EML6: variants seen among roughly 807,000 people sequenced by gnomAD.
EML6 encodes the protein echinoderm microtubule-associated protein-like 6.
In EML6, 154 loss-of-function variants were observed where a neutral mutation model predicts 240.1. The observed-to-expected ratio is 0.64, with a 90% CI of 0.56 to 0.73. EML6 has a LOEUF of 0.73. EML6 is among the 30% of genes least tolerant of loss of function. The probability of loss-of-function intolerance (pLI) is 0.00; values close to 1 mark genes in which losing one functional copy is unlikely to be tolerated. For missense variants in EML6, 2,964 were observed against 2,474.6 expected, an observed-to-expected ratio of 1.20 and a Z score of -4.20; for synonymous variants, 1,148 against 899.0, an observed-to-expected ratio of 1.28 and a Z score of -4.95.
rs1009612185 is a variant in EML6, at chr2:54,843,948, C to T, written c.848-99C>T. 1.1e-5 allele frequency: 9 copies of T among 840,218 alleles called. No individual in the cohort carries two copies. The Admixed American group carries it at 1.1e-4, about 11-fold the overall frequency. 52.0% of individuals were successfully genotyped at this position (840,218 alleles called of 1,614,324 possible). A position where few individuals can be genotyped will look rare whatever the true frequency, so the allele number is the denominator to read the frequency against. Reference sequence around the variant, plus strand: ...ATTTGATGGTATCCTGGTTAAAGGGCATTTACTTTAGGGTTTTGTGTGTGT... The same window carrying T: ...ATTTGATGGTATCCTGGTTAAAGGGTATTTACTTTAGGGTTTTGTGTGTGT... On this transcript the variant is annotated intron_variant, in intron 7 of 41. Coordinates refer to ENST00000356458, the MANE Select transcript of EML6 (RefSeq NM_001039753.4).
At chr2:54,757,654 C>T (rs1667795878) in intron 2 of EML6, among the ~76,000 whole-genome samples, 1 of 152,114 alleles carries the variant, frequency 6.6e-6, no homozygotes, top group South Asian at 2.1e-4. Flanking sequence ...CTGGTGGACT[C>T]ACTGTTCTTT....
chr2:54,783,934 C>T (rs534761666), intron 2 of EML6, among the ~76,000 whole-genome samples: 2 of 152,120 alleles, frequency 1.3e-5, no homozygotes, highest in African/African-American at 2.4e-5. Context: ...TGTTCATGTT[C>T]CATAATTTAT....
At chr2:54,723,619 CG>C (rs1172853058), upstream of EML6, 2 of 152,284 alleles carry the variant, frequency 1.3e-5, no homozygotes, top group East Asian at 3.9e-4. Flanking sequence ...GCCCCGCCCC[CG>C]GAGCCCCGGC....
rs1162056358 is a variant in EML6, at chr2:54,971,633, G to C, written c.*1538G>C. 1.3e-5 allele frequency: 2 copies of C among 152,120 alleles called. No homozygotes were observed. The highest frequency in any genetic ancestry group is 4.8e-5 in the African/African-American group (2 of 41,404). 9.4% of individuals were successfully genotyped at this position (152,120 alleles called of 1,614,324 possible). ...ATGCCTTACATCAATCCACTAATAG[G>C]TTGTTGGGCCCGCAGTAGAGTCCCT... On this transcript the variant is annotated 3_prime_UTR_variant, in exon 42 of 42. Coordinates refer to ENST00000356458, the MANE Select transcript of EML6 (RefSeq NM_001039753.4).
At chr2:54,808,966 A>G (rs1402613660) in intron 2 of EML6, among the ~76,000 whole-genome samples, 1 of 152,224 alleles carries the variant, frequency 6.6e-6, no homozygotes, top group Non-Finnish European at 1.5e-5. Flanking sequence ...AACTAGGTTT[A>G]TATATTAAAA....
chr2:54,914,074 T>A (rs1673778377), intron 25 of EML6, among the ~76,000 whole-genome samples: 1 of 152,228 alleles, frequency 6.6e-6, no homozygotes, highest in South Asian at 2.1e-4. Flanking sequence ...TACTTTGAAG[T>A]CCAGTAATAC....
intron 17 of EML6, among the ~76,000 whole-genome samples, chr2:54,886,753 C>T (rs898311889): frequency 6.6e-6 from 1 of 152,074 alleles, no homozygotes; most frequent in African/African-American, 2.4e-5. Context: ...AGTGATTTGT[C>T]TTTTTATTAT....
chr2:54,869,080 T>C, intron 14 of EML6, 101 bp from the exon 15 acceptor site: 1 of 717,292 alleles, frequency 1.4e-6, no homozygotes, highest in Non-Finnish European at 2.3e-6. Flanking sequence ...GTTCCACTTG[T>C]ACATGTTCAC....
intron 2 of EML6, among the ~76,000 whole-genome samples, chr2:54,756,064 C>G (rs918113898): frequency 3.9e-5 from 6 of 152,066 alleles, no homozygotes; most frequent in African/African-American, 1.5e-4. Flanking sequence ...TTTAGGCTGC[C>G]TTGGAAGCCC....
chr2:54,831,305 C>T (rs912189236), intron 7 of EML6, among the ~76,000 whole-genome samples: 2 of 152,178 alleles, frequency 1.3e-5, no homozygotes, highest in Admixed American at 6.5e-5. Context: ...ATAATTAAGG[C>T]ATAAATTTTA....
At chr2:54,746,050 CCAGGATTG>C (rs1683898195) in intron 2 of EML6, among the ~76,000 whole-genome samples, 2 of 152,048 alleles carry the variant, frequency 1.3e-5, no homozygotes, top group Non-Finnish European at 2.9e-5. Context: ...AAAAGATGGA[CCAGGATTG>C]AGACTCAAAA....
intron 18 of EML6, 83 bp from the exon 19 acceptor site, chr2:54,892,371 G>A: frequency 1.2e-6 from 1 of 841,176 alleles, no homozygotes; most frequent in Non-Finnish European, 1.9e-6. Flanking sequence ...GAGACACCAG[G>A]TTTCTCATGG....
chr2:54,786,202 T>G (rs1669079961), intron 2 of EML6, among the ~76,000 whole-genome samples: 2 of 152,160 alleles, frequency 1.3e-5, no homozygotes, highest in South Asian at 4.2e-4. Flanking sequence ...ATTCCCTGAG[T>G]GTCTCTTTTC....
chr2:54,842,070 C>G (rs1054492042), intron 7 of EML6, among the ~76,000 whole-genome samples: 1 of 152,076 alleles, frequency 6.6e-6, no homozygotes, highest in Non-Finnish European at 1.5e-5. Context: ...GCTACCTTGA[C>G]GTGTCATTAT....
chr2:54,945,793 C>T (rs193197516), intron 28 of EML6, among the ~76,000 whole-genome samples: 3 of 152,354 alleles, frequency 2.0e-5, no homozygotes, highest in East Asian at 1.9e-4. Flanking sequence ...GGCAAGAGCC[C>T]GTGTCAGGAT....
chr2:54,840,284 C>T (rs545128740), intron 7 of EML6, among the ~76,000 whole-genome samples: 7 of 127,390 alleles, frequency 5.5e-5, no homozygotes, highest in South Asian at 2.9e-4. Flanking sequence ...GGAAAAGGGC[C>T]GTGTCTTTAA....
At chr2:54,789,037 C>T (rs1669249272) in intron 2 of EML6, among the ~76,000 whole-genome samples, 1 of 152,084 alleles carries the variant, frequency 6.6e-6, no homozygotes, top group Admixed American at 6.5e-5. Context: ...GCTTTTTATT[C>T]TTTCTTATAT....
intron 16 of EML6, among the ~76,000 whole-genome samples, chr2:54,879,339 A>T (rs1671695559): frequency 6.6e-6 from 1 of 152,212 alleles, no homozygotes; most frequent in South Asian, 2.1e-4. Context: ...CCCCTTATGT[A>T]TTAAAATATA....
Position 54,774,170 on chromosome 2 carries a change from A to G in EML6, c.198-39062A>G, listed in dbSNP as rs1017588977. ...GCTAGGAAATGTCTTTATTCTTGGC[A>G]TTTATTTCTGTAAAAGAAGAGGAGT... is the stretch of plus-strand genomic sequence containing the variant. On this transcript the variant is annotated intron_variant, in intron 2 of 41. Coordinates refer to ENST00000356458, the MANE Select transcript of EML6 (RefSeq NM_001039753.4). The surrounding 1 kb of genome is among the most constrained non-coding windows in gnomAD (Gnocchi z 4.1). 2.0e-5 allele frequency among the ~76,000 whole-genome samples: 3 copies of G among 152,184 alleles called. No homozygotes were observed. The East Asian group carries it at 5.8e-4, about 29-fold the overall frequency.
Sources: gnomAD v4.1 joint callset for allele counts (sites outside exome capture counted in the v4.1 genomes callset) on GRCh38, gnomAD v4.1.1 for gene constraint, Gnocchi (gnomAD v3.1) non-coding constraint, MANE v1.5 for transcripts, NCBI Gene and HGNC (gene_info 2026-07-23, HGNC 2026-07-21) for gene names.